C11orf65: variants seen among roughly 807,000 people sequenced by gnomAD.
The protein encoded by C11orf65 is chromosome 11 open reading frame 65, also known as protein MFI.
C11orf65 carries 38 observed loss-of-function variants against 35.3 expected under a neutral mutation model. That is an observed-to-expected ratio of 1.08 (90% CI 0.83 to 1.41). The LOEUF (loss-of-function observed/expected upper bound fraction) is 1.41. Among genes scored for constraint, C11orf65 ranks in the 40% most tolerant of loss-of-function variants. The pLI, the probability that C11orf65 is intolerant of heterozygous loss-of-function variation, is 0.00. For synonymous variants in C11orf65, 105 were observed against 114.4 expected, an observed-to-expected ratio of 0.92 and a Z score of 0.53; for missense variants, 370 against 367.1, an observed-to-expected ratio of 1.01 and a Z score of -0.06.
chr11:108,468,756 C>A (rs2093561120), upstream of C11orf65, among the ~76,000 whole-genome samples: 1 of 152,062 alleles, frequency 6.6e-6, no homozygotes, highest in African/African-American at 2.4e-5. Flanking sequence ...AAAATATAGT[C>A]ATGGAAACAT....
chr11:108,369,332 G>A (rs955641786), intron 2 of C11orf65, among the ~76,000 whole-genome samples: 19 of 152,016 alleles, frequency 1.2e-4, no homozygotes, highest in African/African-American at 3.9e-4. Context: ...TTTCTTAGTC[G>A]CCTCCTGACG....
downstream of C11orf65, among the ~76,000 whole-genome samples, chr11:108,382,466 T>C (rs114119277): frequency 8.7e-3 from 1,319 of 151,760 alleles, 19 homozygotes; most frequent in African/African-American, 0.03. Flanking sequence ...AAAGATAACA[T>C]TATAAAAGAA....
At chr11:108,409,563 G>C (rs2092618146) in intron 3 of C11orf65, among the ~76,000 whole-genome samples, 1 of 152,210 alleles carries the variant, frequency 6.6e-6, no homozygotes, top group East Asian at 1.9e-4. Context: ...TCGTGATGCT[G>C]GGCAGTGGCA....
At chr11:108,374,039 G>C (rs1226184944) in intron 2 of C11orf65, among the ~76,000 whole-genome samples, 1 of 152,184 alleles carries the variant, frequency 6.6e-6, no homozygotes, top group Non-Finnish European at 1.5e-5. Context: ...CAACTGGGTG[G>C]AGCCCACCAC....
At chr11:108,451,808 A>C (rs2093351426) in intron 2 of C11orf65, among the ~76,000 whole-genome samples, 1 of 152,320 alleles carries the variant, frequency 6.6e-6, no homozygotes, top group Middle Eastern at 3.4e-3. Context: ...CAAAACAGAG[A>C]TATAGATCAA....
chr11:108,405,632 A>ACTT, intron 5 of C11orf65, 73 bp from the exon 6 acceptor site: 1 of 1,445,322 alleles, frequency 6.9e-7, no homozygotes, highest in Non-Finnish European at 9.6e-7. Flanking sequence ...ATAGACAAGA[A>ACTT]CTTCTATGTG....
In C11orf65 at chr11:108,332,869, C is replaced by T. The variant is rs1591179036; in HGVS notation, c.300-1302G>A. The T allele has an allele frequency of 1.9e-6, 3 of 1,613,016 alleles. No individual in the cohort carries two copies. Among genetic ancestry groups the T allele is most frequent in the Non-Finnish European group, 2.5e-6 (3 of 1,179,666 alleles). ...GTGATGCTTATATTATATTAGCAAA[C>T]TTAGATGCCACTCAGTGGAAGACTC... On this transcript the variant is annotated intron_variant, in intron 3 of 3. Transcript: ENST00000524755.
At chr11:108,430,414 C>T (rs1173119721) in intron 3 of C11orf65, among the ~76,000 whole-genome samples, 2 of 150,070 alleles carry the variant, frequency 1.3e-5, no homozygotes, top group Non-Finnish European at 3.0e-5. Context: ...GCTGGAATTA[C>T]AGGTGTGAGC....
chr11:108,325,217 A>T lies in C11orf65; in HGVS notation c.641-16146T>A, dbSNP rs955506555. 1.8e-5 allele frequency: 15 copies of T among 846,404 alleles called. No homozygotes were observed. In the African/African-American group the frequency reaches 2.5e-4, roughly 14 times the overall value. The allele number at this position is 846,404 out of a possible 1,614,324, so 52.4% of individuals were successfully genotyped here. On this transcript the variant is annotated intron_variant, in intron 6 of 6. Transcript: ENST00000525729. ...TACAAAAGTTCCTTTGTATTATTAT[A>T]ATATTATATCGTAAGTTCCAGAACT...
At chr11:108,368,118 T>A (rs537912224) in intron 2 of C11orf65, 1 of 207,306 alleles carries the variant, frequency 4.8e-6, no homozygotes, top group East Asian at 7.4e-5. Flanking sequence ...AGTATTCTAA[T>A]CAATGGCTTT....
intron 2 of C11orf65, among the ~76,000 whole-genome samples, chr11:108,434,302 C>T (rs1325455617): frequency 1.3e-5 from 2 of 151,848 alleles, no homozygotes; most frequent in South Asian, 2.1e-4. Flanking sequence ...GTCAGGGGTT[C>T]GAGATCAGCC....
chr11:108,422,951 C>T (rs1447278919), intron 3 of C11orf65, among the ~76,000 whole-genome samples: 1 of 151,474 alleles, frequency 6.6e-6, no homozygotes, highest in East Asian at 1.9e-4. Context: ...GACTGCAGAT[C>T]TAAGTATAAA....
At chr11:108,380,513 A>G (rs756102472), downstream of C11orf65, among the ~76,000 whole-genome samples, 3 of 152,234 alleles carry the variant, frequency 2.0e-5, no homozygotes, top group Admixed American at 1.3e-4. Flanking sequence ...AAGAGACATT[A>G]AACAACCAGA....
chr11:108,454,099 A>G (rs2093384289), intron 2 of C11orf65, among the ~76,000 whole-genome samples: 1 of 151,996 alleles, frequency 6.6e-6, no homozygotes, highest in African/African-American at 2.4e-5. Flanking sequence ...TTTCTTACTC[A>G]TTATTGGTCT....
chr11:108,353,095 T>C (rs1460419061), intron 2 of C11orf65, among the ~76,000 whole-genome samples: 2 of 152,226 alleles, frequency 1.3e-5, no homozygotes, highest in Admixed American at 1.3e-4. Context: ...GGGATGATCT[T>C]TTCTGTATGA....
At chr11:108,465,777 G>C (rs1427921281) in intron 1 of C11orf65, among the ~76,000 whole-genome samples, 1 of 152,046 alleles carries the variant, frequency 6.6e-6, no homozygotes, top group African/African-American at 2.4e-5. Flanking sequence ...CTGAGGTTGG[G>C]AGTTTGAGAC....
intron 7 of C11orf65, among the ~76,000 whole-genome samples, chr11:108,388,096 C>T (rs560580244): frequency 6.6e-6 from 1 of 152,252 alleles, no homozygotes; most frequent in Admixed American, 6.5e-5. Flanking sequence ...AGTCATCCTG[C>T]TTGCTTGGAT....
chr11:108,431,884 A>G, intron 2 of C11orf65, 46 bp from the exon 3 acceptor site: 1 of 1,219,058 alleles, frequency 8.2e-7, no homozygotes. Context: ...TGGATTTTCT[A>G]TTTCTACTTC....
intron 2 of C11orf65, among the ~76,000 whole-genome samples, chr11:108,446,811 T>C (rs1357076220): frequency 2.0e-5 from 3 of 152,186 alleles, no homozygotes; most frequent in Non-Finnish European, 4.4e-5. Context: ...ATGGGCTAAA[T>C]GCTCCAATTA....
Sources: allele counts gnomAD v4.1 joint callset (sites outside exome capture counted in the v4.1 genomes callset), GRCh38; gene constraint gnomAD v4.1.1; transcripts MANE v1.5; gene names NCBI Gene and HGNC (gene_info 2026-07-23, HGNC 2026-07-21).